Variants in DLGAP2 observed in about 807,000 individuals in gnomAD.
DLGAP2 encodes the protein disks large-associated protein 2.
DLGAP2 carries 26 observed loss-of-function variants against 100.3 expected under a neutral mutation model. The observed-to-expected ratio is 0.26, with a 90% confidence interval of 0.19 to 0.36. The LOEUF (loss-of-function observed/expected upper bound fraction) is 0.36, where lower values mean the gene tolerates loss of function less well. Ranked by LOEUF, DLGAP2 falls within the 10% of genes least tolerant of loss-of-function variation. DLGAP2 has a pLI of 1.00. For missense variants in DLGAP2, 1,858 were observed against 1,453.2 expected, an observed-to-expected ratio of 1.28 and a Z score of -4.53; for synonymous variants, 886 against 630.1, an observed-to-expected ratio of 1.41 and a Z score of -6.08.
intron 2 of DLGAP2, among the ~76,000 whole-genome samples, chr8:927,804 T>C (rs576730326): frequency 6.6e-6 from 1 of 152,118 alleles, no homozygotes; most frequent in African/African-American, 2.4e-5. Flanking sequence ...GTTAGAAATT[T>C]CTCAAGAAGT....
intron 3 of DLGAP2, among the ~76,000 whole-genome samples, chr8:1,315,478 G>A (rs879912447): frequency 1.2e-3 from 165 of 141,832 alleles, no homozygotes; most frequent in African/African-American, 4.0e-3. Flanking sequence ...CGAGAAACTC[G>A]GCAGCTTTTA....
chr8:1,261,646 C>A, intron 3 of DLGAP2, among the ~76,000 whole-genome samples: 1 of 152,260 alleles, frequency 6.6e-6, no homozygotes. Flanking sequence ...GAAGCCACCC[C>A]GTGTTTCAGA....
At chr8:1,546,881 G>A (rs188878522) in intron 4 of DLGAP2, among the ~76,000 whole-genome samples, 2 of 152,262 alleles carry the variant, frequency 1.3e-5, no homozygotes, top group African/African-American at 4.8e-5. Flanking sequence ...CATGGAGGTG[G>A]TCCAGGAGAG....
chr8:1,339,153 C>T lies in DLGAP2; in HGVS notation c.106+80270C>T, dbSNP rs369930329. Among the ~76,000 whole-genome samples the T allele has an allele frequency of 2.2e-4, 26 of 119,912 alleles. No individual in the cohort carries two copies. In the East Asian group the frequency reaches 4.3e-3, roughly 20 times the overall value. 78.7% of individuals were successfully genotyped at this position (119,912 alleles called of 152,430 possible). ...GTGACCTCAGTGAGGCATCAGGACCCGGGAGGGAAGGCAGTGACCTCAGCG... is the reference window on the plus strand; with the variant it reads ...GTGACCTCAGTGAGGCATCAGGACCTGGGAGGGAAGGCAGTGACCTCAGCG... On this transcript the variant is annotated intron_variant, in intron 3 of 14. Transcript: ENST00000637795.
At chr8:1,269,488 C>G (rs1426146248) in intron 3 of DLGAP2, among the ~76,000 whole-genome samples, 2 of 152,200 alleles carry the variant, frequency 1.3e-5, no homozygotes, top group African/African-American at 4.8e-5. Context: ...TTTAGATCTT[C>G]TTTGTCTGTT....
At chr8:1,538,604 G>T (rs1015135461) in intron 4 of DLGAP2, among the ~76,000 whole-genome samples, 2 of 152,276 alleles carry the variant, frequency 1.3e-5, no homozygotes, top group Middle Eastern at 3.4e-3. Flanking sequence ...TTATGTCTCC[G>T]TCCCTCCTCC....
intron 2 of DLGAP2, among the ~76,000 whole-genome samples, chr8:1,061,748 C>A (rs372699455): frequency 6.6e-6 from 1 of 151,936 alleles, no homozygotes; most frequent in Non-Finnish European, 1.5e-5. Context: ...TCTCCCTCCC[C>A]GGTGAGGACT....
chr8:1,494,592 G>A (rs1799490602), intron 3 of DLGAP2, among the ~76,000 whole-genome samples: 1 of 152,154 alleles, frequency 6.6e-6, no homozygotes, highest in African/African-American at 2.4e-5. Flanking sequence ...AGCCGAGCGT[G>A]GTGTCAGGCG....
intron 8 of DLGAP2, among the ~76,000 whole-genome samples, chr8:1,634,063 G>A (rs1797713311): frequency 6.6e-6 from 1 of 152,212 alleles, no homozygotes; most frequent in Non-Finnish European, 1.5e-5. Context: ...ACTTTGTGTA[G>A]AAAGTATTTC....
chr8:1,619,457 TTC>T (rs1479482061), intron 6 of DLGAP2, among the ~76,000 whole-genome samples: 5 of 152,260 alleles, frequency 3.3e-5, no homozygotes. Flanking sequence ...GTATATATTT[TTC>T]TGTTTCATTT....
chr8:1,682,959 T>C (rs1251820133), intron 12 of DLGAP2, among the ~76,000 whole-genome samples: 1 of 151,544 alleles, frequency 6.6e-6, no homozygotes, highest in East Asian at 1.9e-4. Context: ...TTTTGAGCCA[T>C]CAGGATCCTC....
At chr8:1,344,889 G>A (rs891340804) in intron 3 of DLGAP2, among the ~76,000 whole-genome samples, 3 of 152,120 alleles carry the variant, frequency 2.0e-5, no homozygotes, top group Non-Finnish European at 2.9e-5. Flanking sequence ...CCTCCCTCCT[G>A]GACCGAAATA....
intron 2 of DLGAP2, among the ~76,000 whole-genome samples, chr8:1,095,200 A>G (rs1804327942): frequency 6.6e-6 from 1 of 152,168 alleles, no homozygotes. Context: ...TTTACTTGTC[A>G]TTTTTAAATT....
chr8:1,532,663 T>G (rs1294446549), intron 4 of DLGAP2, among the ~76,000 whole-genome samples: 1 of 152,268 alleles, frequency 6.6e-6, no homozygotes, highest in Non-Finnish European at 1.5e-5. Context: ...ATGTATTTGA[T>G]TCAAAGAAAT....
chr8:1,493,700 GA>G (rs1799459941), intron 3 of DLGAP2, among the ~76,000 whole-genome samples: 1 of 152,232 alleles, frequency 6.6e-6, no homozygotes, highest in Non-Finnish European at 1.5e-5. Flanking sequence ...GTGCTTTTCA[GA>G]AATGGAAGGG....
chr8:1,639,598 C>T (rs1378547266), intron 8 of DLGAP2, among the ~76,000 whole-genome samples: 1 of 152,208 alleles, frequency 6.6e-6, no homozygotes, highest in Non-Finnish European at 1.5e-5. Context: ...GTGTGTTTGT[C>T]TCATATTTGC....
chr8:1,231,446 T>C (rs576837962), intron 2 of DLGAP2, among the ~76,000 whole-genome samples: 3 of 152,178 alleles, frequency 2.0e-5, no homozygotes, highest in Non-Finnish European at 2.9e-5. Context: ...TCAAAGAATT[T>C]AGAACTACTG....
At chr8:931,353 C>G (rs1051608642) in intron 2 of DLGAP2, among the ~76,000 whole-genome samples, 2 of 152,190 alleles carry the variant, frequency 1.3e-5, no homozygotes, top group Non-Finnish European at 2.9e-5. Context: ...GCGTTTCACG[C>G]GAGGGTGAGA....
intron 3 of DLGAP2, among the ~76,000 whole-genome samples, chr8:1,410,038 T>C (rs1477156888): frequency 6.6e-6 from 1 of 152,152 alleles, no homozygotes; most frequent in Non-Finnish European, 1.5e-5. Context: ...GCTGCAGGTG[T>C]GTAGACCTTT....
Sources: gnomAD v4.1 joint callset for allele counts (sites outside exome capture counted in the v4.1 genomes callset) on GRCh38, gnomAD v4.1.1 for gene constraint, MANE v1.5 for transcripts, NCBI Gene and HGNC (gene_info 2026-07-23, HGNC 2026-07-21) for gene names.